KHDC1: variants seen among roughly 807,000 people sequenced by gnomAD.
KHDC1 encodes the protein KH domain containing 1.
In KHDC1, 21 loss-of-function variants were observed where a neutral mutation model predicts 24.7. That is an observed-to-expected ratio of 0.85 (90% confidence interval 0.60 to 1.23). KHDC1 has a LOEUF of 1.23. KHDC1 is among the 50% of genes most tolerant of loss of function. The pLI, the probability that KHDC1 is intolerant of heterozygous loss-of-function variation, is 0.00. For synonymous variants in KHDC1, 98 were observed against 111.7 expected (o/e 0.88, Z 0.77); for missense variants, 274 against 298.5 (o/e 0.92, Z 0.61).
At chr6:73,283,478 C>A (rs969490949) in intron 2 of KHDC1, among the ~76,000 whole-genome samples, 6 of 151,938 alleles carry the variant, frequency 3.9e-5, no homozygotes, top group African/African-American at 1.5e-4. Context: ...CTCAAGTGAT[C>A]CATGCAAGTC....
chr6:73,279,575 A>ATTTTTTTTTTTTTTTTTTTT (rs560281126), intron 2 of KHDC1, among the ~76,000 whole-genome samples: 1 of 98,312 alleles, frequency 1.0e-5, no homozygotes, highest in Non-Finnish European at 2.0e-5. Flanking sequence ...GGGACCATGG[A>ATTTTTTTTTTTTTTTTTTTT]TTTTTTTTTT....
At chr6:73,275,372 C>T (rs1180890003) in intron 2 of KHDC1, 1 of 164,980 alleles carries the variant, frequency 6.1e-6, no homozygotes, top group Non-Finnish European at 1.5e-5. Context: ...AACAAAAAAA[C>T]AAAAACAGAT....
At chr6:73,250,492 A>G (rs1034034184) in intron 2 of KHDC1, among the ~76,000 whole-genome samples, 9 of 152,268 alleles carry the variant, frequency 5.9e-5, no homozygotes, top group African/African-American at 2.2e-4. Context: ...CCTGAAGAGG[A>G]AGCCAACACA....
chr6:73,303,123 G>A (rs1430922996), intron 1 of KHDC1, among the ~76,000 whole-genome samples: 1 of 152,148 alleles, frequency 6.6e-6, no homozygotes, highest in Non-Finnish European at 1.5e-5. Flanking sequence ...TCGGTGACAT[G>A]GATAAACTTG....
chr6:73,242,046 G>C lies in KHDC1; in HGVS notation c.514+9C>G. 1 of 1,606,302 alleles carries C rather than the reference G, an allele frequency of 6.2e-7. No individual in the cohort carries two copies. On this transcript the variant is annotated intron_variant, in intron 4 of 4. Transcript: ENST00000370384. ...AGTCTAAAACCACAGTTCAGCCAAG[G>C]ATACCTACCTCGAGCATGATGATAG...
At chr6:73,295,132 G>C (rs960395497) in intron 1 of KHDC1, among the ~76,000 whole-genome samples, 1 of 152,004 alleles carries the variant, frequency 6.6e-6, no homozygotes, top group Non-Finnish European at 1.5e-5. Context: ...CCAGTCTGGC[G>C]ACAGAGCAAG....
At chr6:73,306,211 A>C (rs1767959508) in intron 1 of KHDC1, among the ~76,000 whole-genome samples, 1 of 152,018 alleles carries the variant, frequency 6.6e-6, no homozygotes, top group Admixed American at 6.6e-5. Flanking sequence ...CTTCTACCAG[A>C]AACTGCTCCC....
intron 1 of KHDC1, among the ~76,000 whole-genome samples, chr6:73,308,672 TA>T (rs1238923286): frequency 6.6e-6 from 1 of 151,874 alleles, no homozygotes; most frequent in African/African-American, 2.4e-5. Flanking sequence ...TAATTTTTCA[TA>T]TTTTTTTGTA....
At chr6:73,262,864 G>C (rs1027528298) in intron 2 of KHDC1, 1 of 985,842 alleles carries the variant, frequency 1.0e-6, no homozygotes, top group African/African-American at 1.7e-5. Context: ...ATGGAGGGCA[G>C]AATTCAGGAC....
rs534033081 is a variant in KHDC1, at chr6:73,257,522, C to T, written c.207-14992G>A. On this transcript the variant is annotated intron_variant, in intron 2 of 4. Transcript: ENST00000370384. The stretch of plus-strand genomic sequence containing the variant: ...CAAGAGATTCTCCTGCCTCAGCCTC[C>T]CGAGTAGCTGGGACTACAGGTGCAC... Among the ~76,000 whole-genome samples the T allele has an allele frequency of 3.3e-5, 5 of 152,168 alleles. No homozygotes were observed. In the East Asian group the frequency reaches 9.7e-4, roughly 30 times the overall value.
chr6:73,263,169 G>A, intron 2 of KHDC1: 12 of 987,104 alleles, frequency 1.2e-5, no homozygotes, highest in Non-Finnish European at 1.4e-5. Flanking sequence ...TCGCGCCGCG[G>A]CCGCGCGAGG....
chr6:73,280,804 G>C (rs1767389882), intron 2 of KHDC1, among the ~76,000 whole-genome samples: 1 of 151,986 alleles, frequency 6.6e-6, no homozygotes, highest in South Asian at 2.1e-4. Flanking sequence ...ACAGGTGTGA[G>C]CCACCATGCC....
At chr6:73,258,026 T>C (rs1169842038) in intron 2 of KHDC1, among the ~76,000 whole-genome samples, 1 of 152,034 alleles carries the variant, frequency 6.6e-6, no homozygotes, top group Non-Finnish European at 1.5e-5. Flanking sequence ...AGGCCCAAGG[T>C]GGGCGGATCA....
chr6:73,274,733 C>G (rs1767248437), intron 2 of KHDC1: 1 of 152,170 alleles, frequency 6.6e-6, no homozygotes, highest in South Asian at 2.1e-4. Flanking sequence ...TGTAAGGTAC[C>G]CAGTCTCGTG....
In KHDC1 at chr6:73,294,083, A is replaced by G. The variant is rs1767715873; in HGVS notation, c.164-2043T>C. The stretch of plus-strand genomic sequence containing the variant: ...ATTGCTTGAGACCAACCAGAAGTTC[A>G]AGGTTGCCTGGGCAACAGAGCAAGA... On this transcript the variant is annotated intron_variant, in intron 1 of 4. Transcript: ENST00000370384. Among the ~76,000 whole-genome samples the G allele has an allele frequency of 3.3e-5, 5 of 151,990 alleles. No individual in the cohort carries two copies. In the East Asian group the frequency reaches 9.7e-4, roughly 29 times the overall value.
chr6:73,267,937 A>G (rs888265837), intron 2 of KHDC1: 29 of 152,344 alleles, frequency 1.9e-4, no homozygotes, highest in African/African-American at 7.0e-4. Flanking sequence ...CCTGGGTTCA[A>G]GCAATTCTCC....
At chr6:73,258,368 G>A (rs1215291897) in intron 2 of KHDC1, among the ~76,000 whole-genome samples, 2 of 152,170 alleles carry the variant, frequency 1.3e-5, no homozygotes, top group African/African-American at 4.8e-5. Context: ...ACTTGAGCCT[G>A]GGAAGTTGAG....
chr6:73,277,440 G>A (rs1767318097), intron 2 of KHDC1, among the ~76,000 whole-genome samples: 2 of 152,130 alleles, frequency 1.3e-5, no homozygotes, highest in South Asian at 4.1e-4. Context: ...ACTCCAGCCT[G>A]GGTGACAGAG....
intron 2 of KHDC1, among the ~76,000 whole-genome samples, chr6:73,248,157 T>C (rs970845816): frequency 3.3e-5 from 5 of 152,136 alleles, no homozygotes; most frequent in Admixed American, 2.0e-4. Context: ...AGACTGGCTA[T>C]ATTGGGTTTT....
Sources: allele counts gnomAD v4.1 joint callset (sites outside exome capture counted in the v4.1 genomes callset), GRCh38; gene constraint gnomAD v4.1.1; transcripts MANE v1.5; gene names NCBI Gene and HGNC (gene_info 2026-07-23, HGNC 2026-07-21).